AFF2: variants seen among roughly 807,000 people sequenced by gnomAD.
AFF2 encodes ALF transcription elongation factor 2.
In AFF2, 14 loss-of-function variants were observed where a neutral mutation model predicts 76.9. The observed-to-expected ratio is 0.18, with a 90% CI of 0.12 to 0.28. AFF2 has a LOEUF of 0.28. Among genes scored for constraint, AFF2 ranks in the 10% least tolerant of loss-of-function variants. The pLI is 1.00. For synonymous variants in AFF2, 398 were observed against 366.7 expected (o/e 1.09, Z -0.98); for missense variants, 868 against 1,001.1 (o/e 0.87, Z 1.79).
chrX:148,782,500 A>G (rs1249390639), intron 3 of AFF2, among the ~76,000 whole-genome samples: 1 of 112,024 alleles, frequency 8.9e-6, no homozygotes, highest in Non-Finnish European at 1.9e-5. Context: ...AAAAAGACAA[A>G]TCAGATTCAC....
intron 3 of AFF2, among the ~76,000 whole-genome samples, chrX:148,774,653 A>G (rs1313416426): frequency 2.7e-5 from 3 of 111,691 alleles, no homozygotes; most frequent in Admixed American, 1.9e-4. Context: ...AACCTGTGCA[A>G]TTCTTCCAGA....
intron 1 of AFF2, among the ~76,000 whole-genome samples, chrX:148,638,598 G>T (rs965611511): frequency 2.7e-5 from 3 of 111,696 alleles, no homozygotes; most frequent in Non-Finnish European, 1.9e-5. Flanking sequence ...TCACTGTTCT[G>T]CAGGCGGTTC....
At chrX:148,656,796 G>A (rs2054258551) in intron 2 of AFF2, among the ~76,000 whole-genome samples, 2 of 111,305 alleles carry the variant, frequency 1.8e-5, no homozygotes, top group Admixed American at 1.9e-4. Context: ...CACCGCGCCC[G>A]GCCGAGGAAT....
At chrX:148,880,859 G>A (rs189660626) in intron 7 of AFF2, among the ~76,000 whole-genome samples, 1 of 111,772 alleles carries the variant, frequency 8.9e-6, no homozygotes, top group East Asian at 2.8e-4. Context: ...GAAGGTACAG[G>A]AAAGCACGTG....
intron 11 of AFF2, 135 bp from the exon 12 acceptor site, chrX:148,958,202 A>T (rs1392086618): frequency 1.1e-6 from 1 of 907,523 alleles, no homozygotes; most frequent in Non-Finnish European, 1.5e-6. Flanking sequence ...AAAGGTGCAC[A>T]TTTAACTCAC....
intron 4 of AFF2, among the ~76,000 whole-genome samples, chrX:148,834,505 ATGTGTGTGTGTGTGTGTGTGTGTGTG>A (rs61709112): frequency 1.1e-5 from 1 of 91,686 alleles, no homozygotes; most frequent in Non-Finnish European, 2.2e-5. Flanking sequence ...CCAGTCTCAG[ATGTGTGTGTGTGTGTGTGTGTGTGTG>A]TGTGTGTGTG....
intron 3 of AFF2, among the ~76,000 whole-genome samples, chrX:148,799,370 T>C (rs2070027883): frequency 9.0e-6 from 1 of 111,623 alleles, no homozygotes; most frequent in Admixed American, 9.5e-5. Context: ...GTAATCAAAC[T>C]ATTACTCTGA....
intron 1 of AFF2, among the ~76,000 whole-genome samples, chrX:148,584,696 C>T (rs1195018056): frequency 9.1e-6 from 1 of 109,330 alleles, no homozygotes; most frequent in Non-Finnish European, 1.9e-5. Context: ...GCTGGGACTA[C>T]GAGCACATTT....
intron 1 of AFF2, among the ~76,000 whole-genome samples, chrX:148,593,560 A>C (rs1603253080): frequency 1.8e-5 from 2 of 112,051 alleles, no homozygotes; most frequent in South Asian, 7.5e-4. Context: ...GTGGTAGAAG[A>C]AGCATGAACT....
At chrX:148,521,511 T>C (rs1358528494) in intron 1 of AFF2, among the ~76,000 whole-genome samples, 1 of 110,805 alleles carries the variant, frequency 9.0e-6, no homozygotes, top group African/African-American at 3.3e-5. Context: ...TCGTAGGAGG[T>C]AGTTTTTGTT....
chrX:148,597,089 C>A (rs1168749446), intron 1 of AFF2, among the ~76,000 whole-genome samples: 2 of 111,955 alleles, frequency 1.8e-5, no homozygotes, highest in African/African-American at 3.3e-5. Context: ...GGTGAAGCTA[C>A]AGTTAGTTAA....
chrX:148,987,643 C>A, intron 20 of AFF2, 86 bp downstream of exon 20: 1 of 838,982 alleles, frequency 1.2e-6, no homozygotes, highest in Non-Finnish European at 1.7e-6. Flanking sequence ...ACTTGGTGGC[C>A]TTATATCTTT....
At chrX:148,644,385 G>C (rs782689424) in intron 1 of AFF2, among the ~76,000 whole-genome samples, 1 of 111,408 alleles carries the variant, frequency 9.0e-6, no homozygotes, top group Non-Finnish European at 1.9e-5. Context: ...TAATTGTGTG[G>C]TGTTGAGCAT....
At chrX:148,945,216 T>C (rs1051752095) in intron 9 of AFF2, among the ~76,000 whole-genome samples, 1 of 111,543 alleles carries the variant, frequency 9.0e-6, no homozygotes, top group African/African-American at 3.3e-5. Context: ...ACTGCTGGTG[T>C]GGGCAAGTAG....
At chrX:148,582,347 T>G (rs1603249923) in intron 1 of AFF2, among the ~76,000 whole-genome samples, 1 of 111,622 alleles carries the variant, frequency 9.0e-6, no homozygotes, top group East Asian at 2.8e-4. Flanking sequence ...GGGAAGTACT[T>G]TGAGACTATG....
intron 1 of AFF2, among the ~76,000 whole-genome samples, chrX:148,574,832 T>C (rs1237253814): frequency 1.8e-5 from 2 of 111,640 alleles, no homozygotes; most frequent in East Asian, 2.8e-4. Flanking sequence ...ACATTATTGT[T>C]TCCATTTCAG....
At chrX:148,538,040 C>A (rs2052805980) in intron 1 of AFF2, among the ~76,000 whole-genome samples, 1 of 112,420 alleles carries the variant, frequency 8.9e-6, no homozygotes, top group East Asian at 2.8e-4. Context: ...CCTTCCCCTC[C>A]CCTCAAGGGC....
intron 9 of AFF2, among the ~76,000 whole-genome samples, chrX:148,909,588 C>G (rs1171100568): frequency 8.9e-6 from 1 of 111,912 alleles, no homozygotes; most frequent in African/African-American, 3.3e-5. Flanking sequence ...TAAGTATATG[C>G]CTAGTGAATG....
intron 3 of AFF2, among the ~76,000 whole-genome samples, chrX:148,705,179 GA>G (rs1352495280): frequency 1.8e-5 from 2 of 111,651 alleles, no homozygotes; most frequent in Non-Finnish European, 3.8e-5. Flanking sequence ...TCCTTGAATA[GA>G]TCATTTATTA....
Sources: gnomAD v4.1 joint callset for allele counts (sites outside exome capture counted in the v4.1 genomes callset) on GRCh38, gnomAD v4.1.1 for gene constraint, MANE v1.5 for transcripts, NCBI Gene and HGNC (gene_info 2026-07-23, HGNC 2026-07-21) for gene names.